Variants in TXLNG observed in about 807,000 individuals in gnomAD.
TXLNG encodes the protein gamma-taxilin.
Under a neutral mutation model 38.8 loss-of-function variants are expected in TXLNG, and 5 were observed. That is an observed-to-expected ratio of 0.13 (90% confidence interval 0.07 to 0.27). TXLNG has a LOEUF of 0.27. Ranked by LOEUF, TXLNG falls within the 10% of genes least tolerant of loss-of-function variation. The pLI is 1.00. For synonymous variants in TXLNG, 182 were observed against 158.2 expected, an observed-to-expected ratio of 1.15 and a Z score of -1.13; for missense variants, 393 against 398.2, an observed-to-expected ratio of 0.99 and a Z score of 0.11.
intron 3 of TXLNG, among the ~76,000 whole-genome samples, chrX:16,827,152 C>T (rs1405301229): frequency 9.0e-6 from 1 of 110,822 alleles, no homozygotes; most frequent in Admixed American, 9.6e-5. Context: ...TCGCTTGAAC[C>T]CGGGAGGTGG....
intron 2 of TXLNG, 89 bp from the exon 3 acceptor site, chrX:16,820,075 T>C: frequency 3.0e-6 from 2 of 674,778 alleles, no homozygotes; most frequent in Non-Finnish European, 4.5e-6. Context: ...TTACTCTGGA[T>C]GTCAGAGCAC....
Position 16,800,141 on chromosome X carries a change from T to C in TXLNG, c.102+13552T>C, listed in dbSNP as rs754020133. On this transcript the variant is annotated intron_variant, in intron 1 of 9. Coordinates refer to ENST00000380122, the MANE Select transcript of TXLNG (RefSeq NM_018360.3). ...TTTTAGTAGAGACGGAATTTTGTCA[T>C]GTTGGCTAGGCTGGTCTGAAACTCC... 3.6e-5 allele frequency among the ~76,000 whole-genome samples: 4 copies of C among 111,978 alleles called. No individual in the cohort carries two copies. The South Asian group carries it at 1.5e-3, about 42-fold the overall frequency.
At chrX:16,789,299 A>G (rs1927620069) in intron 1 of TXLNG, among the ~76,000 whole-genome samples, 1 of 110,767 alleles carries the variant, frequency 9.0e-6, no homozygotes, top group Non-Finnish European at 1.9e-5. Context: ...TCATAACTAC[A>G]ACCATTTGAA....
chrX:16,817,154 G>A (rs765661289), intron 1 of TXLNG, among the ~76,000 whole-genome samples: 44 of 112,287 alleles, frequency 3.9e-4, no homozygotes, highest in African/African-American at 1.3e-3. Flanking sequence ...TGATACTATA[G>A]TTTATCCATT....
Position 16,832,691 on chromosome X carries a change from G to C in TXLNG, c.933G>C (p.Thr311=). The C allele has an allele frequency of 2.5e-6, 3 of 1,207,662 alleles. No homozygotes were observed. The highest frequency in any genetic ancestry group is 3.4e-6 in the Non-Finnish European group (3 of 894,085). Residue 311 remains threonine (T), a synonymous_variant, in exon 6 of 10, where the codon ACG becomes ACC. Coordinates refer to ENST00000380122, the MANE Select transcript of TXLNG (RefSeq NM_018360.3). The stretch of plus-strand genomic sequence containing the variant: ...TCGTGGATGCCAAACTGCAGCAAAC[G>C]ACACAACTGATAAAAGAAGCTGATG... ...QQLVDAKLQQ[T]TQLIKEADEK...
At chrX:16,832,580 C>CT in intron 5 of TXLNG, 43 bp from the exon 6 acceptor site, 1 of 1,209,230 alleles carries the variant, frequency 8.3e-7, no homozygotes, top group Non-Finnish European at 1.1e-6. Flanking sequence ...CACTGTGTTC[C>CT]TTTCTTTGGT....
intron 6 of TXLNG, among the ~76,000 whole-genome samples, chrX:16,833,982 G>A (rs1479145786): frequency 8.9e-6 from 1 of 112,001 alleles, no homozygotes; most frequent in Non-Finnish European, 1.9e-5. Context: ...TGCTAATACT[G>A]TACATGTAAT....
At chrX:16,789,539 T>C (rs1344043599) in intron 1 of TXLNG, among the ~76,000 whole-genome samples, 1 of 106,960 alleles carries the variant, frequency 9.3e-6, no homozygotes, top group African/African-American at 3.4e-5. Context: ...AGATCTAGAA[T>C]ATTTTCATCA....
Position 16,843,339 on chromosome X carries a change from G to A in TXLNG, c.*1573G>A, listed in dbSNP as rs1298530500. The A allele has an allele frequency of 8.9e-6, 1 of 112,078 alleles. No homozygotes were observed. The highest frequency in any genetic ancestry group is 1.9e-5 in the Non-Finnish European group (1 of 53,255). The allele number at this position is 112,078 out of a possible 1,213,427, so 9.2% of individuals were successfully genotyped here. On this transcript the variant is annotated 3_prime_UTR_variant, in exon 10 of 10. Transcript: ENST00000380122. ...AGATAGATAGATAGGAAACCGCCTG[G>A]AGTGGAGGAGGGTTGTATCTAAGCC...
chrX:16,788,967 C>CA (rs1198245456), intron 1 of TXLNG, among the ~76,000 whole-genome samples: 3 of 111,778 alleles, frequency 2.7e-5, no homozygotes, highest in East Asian at 5.5e-4. Flanking sequence ...TGCAACTGGC[C>CA]AAAAATTTTT....
At chrX:16,820,366 A>G in intron 3 of TXLNG, 111 bp downstream of exon 3, 1 of 560,119 alleles carries the variant, frequency 1.8e-6, no homozygotes. Flanking sequence ...GTAAAATTAT[A>G]TTTTATTCTG....
chrX:16,811,615 T>C (rs1238063358), intron 1 of TXLNG, among the ~76,000 whole-genome samples: 2 of 108,311 alleles, frequency 1.8e-5, no homozygotes, highest in African/African-American at 6.7e-5. Flanking sequence ...CCCAAAGTGC[T>C]GGGATTACAG....
chrX:16,829,513 T>A, intron 4 of TXLNG, 63 bp from the exon 5 acceptor site: 1 of 1,075,786 alleles, frequency 9.3e-7, no homozygotes, highest in East Asian at 3.2e-5. Context: ...TTGCAGCAGC[T>A]TCTCTTGTGA....
intron 1 of TXLNG, among the ~76,000 whole-genome samples, chrX:16,803,945 C>CT (rs908418663): frequency 9.1e-6 from 1 of 109,379 alleles, no homozygotes. Context: ...GAGTGAGACT[C>CT]TGTCTCAAAA....
chrX:16,829,598 G>T lies in TXLNG; in HGVS notation c.692G>T (p.Arg231Leu). ...TLKEENMQQA[R>L]EEEERRKEAT... Reference sequence around the variant, plus strand: ...AAGGAGGAAAATATGCAGCAGGCACGAGAGGAAGAAGAACGACGTAAAGAA... The same window carrying T: ...AAGGAGGAAAATATGCAGCAGGCACTAGAGGAAGAAGAACGACGTAAAGAA... Residue 231 changes from arginine to leucine, a missense_variant, in exon 5 of 10, where the codon CGA (arginine) becomes CTA (leucine). Coordinates refer to ENST00000380122, the MANE Select transcript of TXLNG (RefSeq NM_018360.3). 3 of 1,211,056 alleles carry T rather than the reference G, an allele frequency of 2.5e-6. No individual in the cohort carries two copies. The highest frequency in any genetic ancestry group is 2.2e-6 in the Non-Finnish European group (2 of 895,178).
Position 16,841,458 on chromosome X carries a change from C to G in TXLNG, c.1279C>G (p.Leu427Val), listed in dbSNP as rs142922936. The G allele has an allele frequency of 4.3e-4, 525 of 1,209,178 alleles. No individual in the cohort carries two copies. The highest frequency in any genetic ancestry group is 1.1e-3 in the Middle Eastern group (5 of 4,351). The change falls in exon 10 of 10, where the codon CTT becomes GTT. Residue 427 changes from leucine (L) to valine (V), a missense_variant. Leu to Val is a conservative substitution (Grantham distance 32, BLOSUM62 1). Coordinates refer to ENST00000380122, the MANE Select transcript of TXLNG (RefSeq NM_018360.3). ...AGTCCGTGATAAAGAGTACAAGGCCCTTCAAATAAAACTGGAACGGTTAGA... is the reference window on the plus strand; with the variant it reads ...AGTCCGTGATAAAGAGTACAAGGCCGTTCAAATAAAACTGGAACGGTTAGA... ...KTVRDKEYKA[L>V]QIKLERLEKL...
At chrX:16,792,523 G>A (rs757339015) in intron 1 of TXLNG, among the ~76,000 whole-genome samples, 2 of 111,321 alleles carry the variant, frequency 1.8e-5, no homozygotes, top group South Asian at 7.6e-4. Flanking sequence ...GCTCATGCTT[G>A]TAATCCCAGT....
chrX:16,835,424 G>A (rs1360033806), intron 7 of TXLNG, among the ~76,000 whole-genome samples: 1 of 111,791 alleles, frequency 8.9e-6, no homozygotes, highest in Non-Finnish European at 1.9e-5. Flanking sequence ...TGGAACCGAA[G>A]ATCATGCCAG....
intron 5 of TXLNG, among the ~76,000 whole-genome samples, chrX:16,831,743 G>A (rs889647954): frequency 5.4e-5 from 6 of 112,041 alleles, no homozygotes; most frequent in African/African-American, 1.9e-4. Context: ...CATATTGTAT[G>A]TGTCTTATGT....
Sources: gnomAD v4.1 joint callset for allele counts (sites outside exome capture counted in the v4.1 genomes callset) on GRCh38, gnomAD v4.1.1 for gene constraint, MANE v1.5 for transcripts, NCBI Gene and HGNC (gene_info 2026-07-23, HGNC 2026-07-21) for gene names.